NUS1: variants seen among roughly 807,000 people sequenced by gnomAD.
NUS1 encodes the protein NUS1 dehydrodolichyl diphosphate synthase subunit, also known as dehydrodolichyl diphosphate synthase complex subunit NUS1.
For synonymous variants in NUS1, 135 were observed against 155.2 expected, an observed-to-expected ratio of 0.87 and a Z score of 0.97; for missense variants, 292 against 382.9, an observed-to-expected ratio of 0.76 and a Z score of 1.98.
chr6:117,710,629 A>G lies in NUS1; in HGVS notation c.*3614A>G, dbSNP rs948951889. ...TAATAAAGAGATTTTTTAAAAAACT[A>G]TAAACTAGAAATTGAGAGTCTTGCA... On this transcript the variant is annotated 3_prime_UTR_variant, in exon 5 of 5. Transcript: ENST00000368494. 1 of 152,188 alleles carries G rather than the reference A, an allele frequency of 6.6e-6. No individual in the cohort carries two copies. Among genetic ancestry groups the G allele is most frequent in the African/African-American group, 2.4e-5 (1 of 41,460 alleles). 9.4% of individuals were successfully genotyped at this position (152,188 alleles called of 1,614,324 possible).
intron 1 of NUS1, among the ~76,000 whole-genome samples, chr6:117,681,270 A>G (rs1168348973): frequency 6.6e-6 from 1 of 152,202 alleles, no homozygotes; most frequent in Non-Finnish European, 1.5e-5. Context: ...TTGTATGTAT[A>G]TGTGCATAAA....
chr6:117,697,572 C>G (rs924563551), intron 3 of NUS1, among the ~76,000 whole-genome samples: 1 of 151,856 alleles, frequency 6.6e-6, no homozygotes, highest in Admixed American at 6.6e-5. Flanking sequence ...AGTCCACTAT[C>G]TAGTGATAAA....
At chr6:117,687,462 A>G (rs754427398) in intron 1 of NUS1, among the ~76,000 whole-genome samples, 59 of 152,184 alleles carry the variant, frequency 3.9e-4, no homozygotes, top group Non-Finnish European at 6.5e-4. Flanking sequence ...AACAAGTTTA[A>G]ATGAGTGTAT....
chr6:117,692,450 A>C (rs1773236756), intron 1 of NUS1, among the ~76,000 whole-genome samples: 2 of 152,070 alleles, frequency 1.3e-5, no homozygotes, highest in East Asian at 1.9e-4. Flanking sequence ...AGTAGTTAAC[A>C]GTGTTAACTT....
rs1002045127 is a variant in NUS1 at position 117,709,982 on chromosome 6, T to C, written c.*2967T>C. The C allele has an allele frequency of 4.6e-5, 7 of 152,282 alleles. No individual in the cohort carries two copies. The highest frequency in any genetic ancestry group is 1.7e-4 in the African/African-American group (7 of 41,460). The allele number at this position is 152,282 out of a possible 1,614,324, so 9.4% of individuals were successfully genotyped here. A position where few individuals can be genotyped will look rare whatever the true frequency, so the allele number is the denominator to read the frequency against. On this transcript the variant is annotated 3_prime_UTR_variant, in exon 5 of 5. Transcript: ENST00000368494. ...ACCAGGTTAAACATTTGGAATCTTA[T>C]AATGTTACTTGCTTTTTGATAGATA...
chr6:117,701,533 C>T (rs1460240779), intron 3 of NUS1, among the ~76,000 whole-genome samples: 1 of 152,106 alleles, frequency 6.6e-6, no homozygotes, highest in East Asian at 1.9e-4. Flanking sequence ...CGTGAGCCAC[C>T]ACGCCCGGCC....
intron 1 of NUS1, among the ~76,000 whole-genome samples, chr6:117,691,871 G>T (rs13217247): frequency 6.6e-6 from 1 of 151,500 alleles, no homozygotes; most frequent in Non-Finnish European, 1.5e-5. Context: ...TATTCATCAC[G>T]TTGCTCTGTT....
chr6:117,701,310 T>A (rs1773405261), intron 3 of NUS1, among the ~76,000 whole-genome samples: 1 of 151,038 alleles, frequency 6.6e-6, no homozygotes, highest in South Asian at 2.1e-4. Flanking sequence ...AGTGGTGTGA[T>A]CTCAGCTCAC....
intron 4 of NUS1, among the ~76,000 whole-genome samples, chr6:117,704,528 G>A (rs759849099): frequency 2.6e-5 from 4 of 152,082 alleles, no homozygotes; most frequent in East Asian, 1.9e-4. Flanking sequence ...CATTGTGACC[G>A]TGTTCTGATA....
intron 1 of NUS1, among the ~76,000 whole-genome samples, chr6:117,679,110 A>G (rs1222129418): frequency 6.6e-6 from 1 of 152,236 alleles, no homozygotes; most frequent in Non-Finnish European, 1.5e-5. Context: ...GGTGTCTCTT[A>G]AAGAGTTTCC....
At position 117,694,090 on chromosome 6, in the gene NUS1, G is replaced by T; in HGVS notation, c.601G>T (p.Val201Leu). ...LSPEDGKADI[V>L]RAAQDFCQLV... is the part of the protein sequence containing the mutation. ...TCCGGAAGATGGAAAAGCAGATATT[G>T]TAAGAGCTGCTCAGGACTTTTGCCA... The change falls in exon 3 of 5, where the codon GTA (valine) becomes TTA (leucine). Residue 201 changes from valine to leucine, a missense_variant. Coordinates refer to ENST00000368494, the MANE Select transcript of NUS1 (RefSeq NM_138459.5). 7 of 1,612,866 alleles carry T rather than the reference G, an allele frequency of 4.3e-6. No homozygotes were observed. Among genetic ancestry groups the T allele is most frequent in the Non-Finnish European group, 5.9e-6 (7 of 1,179,356 alleles).
Position 117,677,012 on chromosome 6 carries a change from C to T in NUS1, c.415+927C>T, listed in dbSNP as rs560349630. 1.5e-4 allele frequency among the ~76,000 whole-genome samples: 23 copies of T among 152,256 alleles called. No individual in the cohort carries two copies. The South Asian group carries it at 3.3e-3, about 22-fold the overall frequency. ...TTGGAAGGCTGGGATGGTTTGTGAT[C>T]CTTCATCATCAGTGCCCAACACAGT... On this transcript the variant is annotated intron_variant, in intron 1 of 4. Coordinates refer to ENST00000368494, the MANE Select transcript of NUS1 (RefSeq NM_138459.5).
chr6:117,689,763 G>C (rs1311253618), intron 1 of NUS1, among the ~76,000 whole-genome samples: 1 of 152,030 alleles, frequency 6.6e-6, no homozygotes, highest in Non-Finnish European at 1.5e-5. Context: ...ACAAGGTCTT[G>C]CTATGTTGCC....
intron 1 of NUS1, among the ~76,000 whole-genome samples, chr6:117,685,028 G>A (rs1031703358): frequency 6.6e-6 from 1 of 152,146 alleles, no homozygotes; most frequent in African/African-American, 2.4e-5. Context: ...GTAGTTATGG[G>A]GAAGGTTAGG....
In NUS1 at chr6:117,687,326, A is replaced by T. The variant is rs191426193; in HGVS notation, c.416-5716A>T. On this transcript the variant is annotated intron_variant, in intron 1 of 4. Coordinates refer to ENST00000368494, the MANE Select transcript of NUS1 (RefSeq NM_138459.5). ...CATTGGTAATTCAGTTGATTAAATA[A>T]ACATTGAACTGCTATATGGAAAATA... 2.5e-3 allele frequency among the ~76,000 whole-genome samples: 384 copies of T among 152,354 alleles called. 6 individuals are homozygous for T. Among genetic ancestry groups the T allele is most frequent in the Admixed American group, 0.023 (357 of 15,298 alleles).
At chr6:117,677,056 C>T (rs1204455775) in intron 1 of NUS1, among the ~76,000 whole-genome samples, 1 of 152,150 alleles carries the variant, frequency 6.6e-6, no homozygotes, top group Non-Finnish European at 1.5e-5. Flanking sequence ...GAATTGTCCT[C>T]TCATATGTTT....
At chr6:117,694,505 C>T (rs1303797735) in intron 3 of NUS1, among the ~76,000 whole-genome samples, 1 of 151,918 alleles carries the variant, frequency 6.6e-6, no homozygotes, top group Non-Finnish European at 1.5e-5. Context: ...CTTCCCCTTT[C>T]TTTTTAGTTT....
At chr6:117,689,138 TA>T (rs1773180641) in intron 1 of NUS1, among the ~76,000 whole-genome samples, 1 of 152,170 alleles carries the variant, frequency 6.6e-6, no homozygotes. Context: ...CAAGTTGGGA[TA>T]AAGATAGAAT....
chr6:117,679,930 A>G (rs529697383), intron 1 of NUS1, among the ~76,000 whole-genome samples: 1 of 152,166 alleles, frequency 6.6e-6, no homozygotes, highest in Non-Finnish European at 1.5e-5. Context: ...TTGAAGGGAG[A>G]TGGACGGGCA....
Sources: gnomAD v4.1 joint callset for allele counts (sites outside exome capture counted in the v4.1 genomes callset) on GRCh38, gnomAD v4.1.1 for gene constraint, MANE v1.5 for transcripts, NCBI Gene and HGNC (gene_info 2026-07-23, HGNC 2026-07-21) for gene names.